CSMD1: variants seen among roughly 807,000 people sequenced by gnomAD.
CSMD1 encodes CUB and sushi domain-containing protein 1.
A neutral mutation model predicts 417.5 loss-of-function variants in CSMD1; 213 were observed. The observed-to-expected ratio is 0.51, with a 90% CI of 0.46 to 0.57. The LOEUF (loss-of-function observed/expected upper bound fraction) is 0.57, where lower values mean the gene tolerates loss of function less well. Among genes scored for constraint, CSMD1 ranks in the 20% least tolerant of loss-of-function variants. CSMD1 has a pLI of 0.00. For missense variants in CSMD1, 6,923 were observed against 4,529.7 expected (o/e 1.53, Z -15.17); for synonymous variants, 2,862 against 1,736.8 (o/e 1.65, Z -16.11).
At chr8:3,310,624 T>C (rs1044371595) in intron 23 of CSMD1, among the ~76,000 whole-genome samples, 21 of 152,302 alleles carry the variant, frequency 1.4e-4, no homozygotes, top group African/African-American at 4.1e-4. Context: ...GTAAAAAACT[T>C]TTGAGTTCAG....
chr8:3,336,285 GC>G (rs1807257984), intron 23 of CSMD1, among the ~76,000 whole-genome samples: 1 of 152,064 alleles, frequency 6.6e-6, no homozygotes, highest in Non-Finnish European at 1.5e-5. Flanking sequence ...TGTTTCCAAG[GC>G]CCCTGAACCC....
chr8:4,382,764 A>C lies in CSMD1; in HGVS notation c.415+37189T>G, dbSNP rs182256614. ...AGGTCCATAAACATTCTGTGTCTAA[A>C]AGAAACACAAAATAATAATGATGGC... On this transcript the variant is annotated intron_variant, in intron 3 of 69. Transcript: ENST00000635120. 1.1e-4 allele frequency among the ~76,000 whole-genome samples: 17 copies of C among 152,308 alleles called. No individual in the cohort carries two copies. The East Asian group carries it at 3.3e-3, about 29-fold the overall frequency.
intron 3 of CSMD1, among the ~76,000 whole-genome samples, chr8:4,292,889 G>T (rs1380207962): frequency 6.6e-6 from 1 of 152,170 alleles, no homozygotes; most frequent in African/African-American, 2.4e-5. Flanking sequence ...TTTTTGTAAA[G>T]AGATAATTTG....
chr8:4,760,165 G>T (rs980567056), intron 1 of CSMD1, among the ~76,000 whole-genome samples: 1 of 152,150 alleles, frequency 6.6e-6, no homozygotes, highest in Non-Finnish European at 1.5e-5. Flanking sequence ...ATAGTCATAG[G>T]CTGCAACATC....
At chr8:4,419,518 C>T (rs1387577693) in intron 3 of CSMD1, among the ~76,000 whole-genome samples, 2 of 152,096 alleles carry the variant, frequency 1.3e-5, no homozygotes, top group East Asian at 3.9e-4. Context: ...AATTAATTTT[C>T]TCTCTTAAAA....
chr8:3,353,655 T>C (rs187033266), intron 21 of CSMD1, among the ~76,000 whole-genome samples: 8 of 152,298 alleles, frequency 5.3e-5, no homozygotes, highest in Non-Finnish European at 8.8e-5. Flanking sequence ...CAAAAATTAT[T>C]TGAGCTTGAT....
At chr8:3,818,096 C>T (rs1311420023) in intron 5 of CSMD1, among the ~76,000 whole-genome samples, 2 of 151,982 alleles carry the variant, frequency 1.3e-5, no homozygotes, top group Admixed American at 6.6e-5. Context: ...CAGCCTGGCA[C>T]CATGTTATTC....
intron 26 of CSMD1, among the ~76,000 whole-genome samples, chr8:3,252,947 C>G (rs1420920197): frequency 6.6e-6 from 1 of 151,950 alleles, no homozygotes; most frequent in Non-Finnish European, 1.5e-5. Flanking sequence ...TTTGATTATT[C>G]TCTCTTTTCT....
chr8:4,723,639 A>G (rs1809209956), intron 1 of CSMD1, among the ~76,000 whole-genome samples: 1 of 152,126 alleles, frequency 6.6e-6, no homozygotes, highest in Non-Finnish European at 1.5e-5. Flanking sequence ...TGTTTAGCTA[A>G]TGACCTTACA....
intron 25 of CSMD1, among the ~76,000 whole-genome samples, chr8:3,306,175 A>C (rs1021607931): frequency 2.6e-5 from 4 of 152,176 alleles, no homozygotes; most frequent in Non-Finnish European, 2.9e-5. Flanking sequence ...CAGTGAAGTA[A>C]GTGTATGATA....
chr8:4,450,351 G>A (rs754759551), intron 2 of CSMD1, among the ~76,000 whole-genome samples: 1 of 152,128 alleles, frequency 6.6e-6, no homozygotes, highest in Non-Finnish European at 1.5e-5. Context: ...TTAGTAGCCG[G>A]GTGTGGTGGC....
intron 26 of CSMD1, among the ~76,000 whole-genome samples, chr8:3,275,743 C>A (rs1440014331): frequency 6.6e-6 from 1 of 152,310 alleles, no homozygotes; most frequent in Non-Finnish European, 1.5e-5. Flanking sequence ...CTTCTGCATT[C>A]TTCACGTAGT....
intron 3 of CSMD1, among the ~76,000 whole-genome samples, chr8:4,210,184 T>C (rs1800223158): frequency 1.3e-5 from 2 of 152,334 alleles, no homozygotes. Context: ...AGCCCATCTG[T>C]GGGAGCTCCT....
At chr8:4,415,051 A>G (rs550680309) in intron 3 of CSMD1, among the ~76,000 whole-genome samples, 5 of 152,206 alleles carry the variant, frequency 3.3e-5, no homozygotes, top group Non-Finnish European at 7.3e-5. Context: ...TTCATAGTCC[A>G]GTGAAAGTAA....
chr8:4,332,664 T>C (rs1799939766), intron 3 of CSMD1, among the ~76,000 whole-genome samples: 2 of 151,720 alleles, frequency 1.3e-5, no homozygotes, highest in Admixed American at 6.6e-5. Context: ...TACTACCGTT[T>C]TGCTAGCTGG....
At chr8:4,629,692 A>G (rs1432995901) in intron 2 of CSMD1, among the ~76,000 whole-genome samples, 1 of 152,190 alleles carries the variant, frequency 6.6e-6, no homozygotes, top group South Asian at 2.1e-4. Flanking sequence ...TTCCATATTA[A>G]TATTTACATT....
chr8:4,384,928 A>C (rs74669197), intron 3 of CSMD1, among the ~76,000 whole-genome samples: 14,322 of 152,212 alleles, frequency 0.094, 806 homozygotes, highest in South Asian at 0.2. Flanking sequence ...AGATCAAGGT[A>C]ATCATCTTCA....
intron 42 of CSMD1, among the ~76,000 whole-genome samples, chr8:3,115,514 C>CT (rs1816814963): frequency 1.3e-5 from 2 of 152,028 alleles, no homozygotes; most frequent in South Asian, 4.2e-4. Context: ...AAACCCCCAC[C>CT]TTTTTTTAAT....
chr8:3,981,500 T>TAAAAAAACAA (rs1813862673), intron 5 of CSMD1, among the ~76,000 whole-genome samples: 1 of 115,076 alleles, frequency 8.7e-6, no homozygotes, highest in African/African-American at 3.3e-5. Context: ...TAGAAAAAAG[T>TAAAAAAACAA]AAAAAAAAAA....
Sources: gnomAD v4.1 joint callset for allele counts (sites outside exome capture counted in the v4.1 genomes callset) on GRCh38, gnomAD v4.1.1 for gene constraint, MANE v1.5 for transcripts, NCBI Gene and HGNC (gene_info 2026-07-23, HGNC 2026-07-21) for gene names.